The following ADGRB3 variants were observed in gnomAD, a reference collection of about 807,000 sequenced individuals.
ADGRB3 encodes the protein brain-specific angiogenesis inhibitor 3.
A neutral mutation model predicts 193.4 loss-of-function variants in ADGRB3; 37 were observed. That is an observed-to-expected ratio of 0.19 (90% CI 0.15 to 0.25). The LOEUF (loss-of-function observed/expected upper bound fraction) is 0.25. Among genes scored for constraint, ADGRB3 ranks in the 10% least tolerant of loss-of-function variants. ADGRB3 has a pLI of 1.00. For synonymous variants in ADGRB3, 690 were observed against 644.2 expected, an observed-to-expected ratio of 1.07 and a Z score of -1.08; for missense variants, 1,637 against 1,852.9, an observed-to-expected ratio of 0.88 and a Z score of 2.14.
At chr6:69,201,630 G>C (rs916588589) in intron 17 of ADGRB3, among the ~76,000 whole-genome samples, 9 of 151,930 alleles carry the variant, frequency 5.9e-5, no homozygotes, top group African/African-American at 2.2e-4. Context: ...TTATATGCCT[G>C]TGCTCTTAAC....
chr6:69,215,402 T>A (rs1765754136), intron 17 of ADGRB3, among the ~76,000 whole-genome samples: 2 of 152,236 alleles, frequency 1.3e-5, no homozygotes, highest in Middle Eastern at 3.4e-3. Context: ...TTTCTTTTTT[T>A]CTTAGTTGTA....
At chr6:69,011,852 G>T (rs1769947290) in intron 11 of ADGRB3, among the ~76,000 whole-genome samples, 1 of 151,960 alleles carries the variant, frequency 6.6e-6, no homozygotes, top group Admixed American at 6.6e-5. Context: ...CCCCTACATG[G>T]ATTTCATTAG....
intron 20 of ADGRB3, among the ~76,000 whole-genome samples, chr6:69,283,207 T>C (rs1291457358): frequency 6.6e-6 from 1 of 152,182 alleles, no homozygotes; most frequent in African/African-American, 2.4e-5. Flanking sequence ...AAGATATTTG[T>C]TTTTGCTTCT....
chr6:68,813,984 C>A (rs1394850245), intron 3 of ADGRB3, among the ~76,000 whole-genome samples: 1 of 152,182 alleles, frequency 6.6e-6, no homozygotes, highest in African/African-American at 2.4e-5. Flanking sequence ...CATTCTAAGT[C>A]TTTGCTATTG....
chr6:69,225,518 A>G (rs979800048), intron 17 of ADGRB3, among the ~76,000 whole-genome samples: 1 of 152,216 alleles, frequency 6.6e-6, no homozygotes, highest in Non-Finnish European at 1.5e-5. Flanking sequence ...CTTGAGCTCA[A>G]TTCCTGGCAC....
At chr6:68,749,241 G>C (rs1274187812) in intron 3 of ADGRB3, among the ~76,000 whole-genome samples, 1 of 152,252 alleles carries the variant, frequency 6.6e-6, no homozygotes, top group Non-Finnish European at 1.5e-5. Context: ...ATTTATCCCA[G>C]AAAATGGGTT....
intron 17 of ADGRB3, among the ~76,000 whole-genome samples, chr6:69,187,858 G>C (rs1338990709): frequency 6.6e-6 from 1 of 152,146 alleles, no homozygotes; most frequent in Non-Finnish European, 1.5e-5. Flanking sequence ...GCATTGTCTG[G>C]TCACCAAGTC....
intron 10 of ADGRB3, among the ~76,000 whole-genome samples, chr6:68,993,218 A>C (rs1232987153): frequency 1.3e-5 from 2 of 152,088 alleles, no homozygotes; most frequent in Admixed American, 6.6e-5. Flanking sequence ...AAGCTAAAGC[A>C]ATCTGGTTTT....
intron 3 of ADGRB3, among the ~76,000 whole-genome samples, chr6:68,796,236 A>T (rs1767205262): frequency 6.6e-6 from 1 of 152,234 alleles, no homozygotes; most frequent in South Asian, 2.1e-4. Context: ...GATCCAAAGT[A>T]TTCCATTCTG....
intron 30 of ADGRB3, among the ~76,000 whole-genome samples, chr6:69,380,951 T>C (rs962387934): frequency 7.2e-5 from 11 of 151,852 alleles, no homozygotes; most frequent in Non-Finnish European, 1.3e-4. Flanking sequence ...AAAATAACTC[T>C]ATATTATAAG....
chr6:68,843,694 C>T (rs1222478369), intron 3 of ADGRB3, among the ~76,000 whole-genome samples: 1 of 151,576 alleles, frequency 6.6e-6, no homozygotes, highest in Admixed American at 6.6e-5. Flanking sequence ...TATGGAACAA[C>T]AAAAGACTCA....
intron 17 of ADGRB3, among the ~76,000 whole-genome samples, chr6:69,160,260 T>G (rs1426519633): frequency 2.0e-5 from 3 of 152,122 alleles, no homozygotes; most frequent in Non-Finnish European, 4.4e-5. Context: ...AAAACTTACA[T>G]TCCTTACAGT....
intron 15 of ADGRB3, among the ~76,000 whole-genome samples, chr6:69,049,755 G>A (rs1204422483): frequency 3.3e-5 from 5 of 152,056 alleles, no homozygotes; most frequent in East Asian, 1.9e-4. Context: ...GGAAAACATG[G>A]TATTGTTTAT....
intron 17 of ADGRB3, among the ~76,000 whole-genome samples, chr6:69,100,905 CGAGGGAGGGAAGGAAGGAAGGAGGGAGG>C (rs1773027523): frequency 9.1e-5 from 1 of 11,012 alleles, no homozygotes. Context: ...AAGGAAGAAG[CGAGGGAGGGAAGGAAGGAAGGAGGGAGG>C]GAGGGAAGGA....
At chr6:68,751,414 T>G (rs1437437080) in intron 3 of ADGRB3, among the ~76,000 whole-genome samples, 1 of 152,178 alleles carries the variant, frequency 6.6e-6, no homozygotes. Context: ...AGTTTCCATC[T>G]TATCTCCTTC....
rs181587406 is a variant in ADGRB3, at chr6:69,096,510, T to G, written c.2480+20472T>G. On this transcript the variant is annotated intron_variant, in intron 17 of 31. Transcript: ENST00000370598. ...CACTAAAATACTTATAAATAAAAACTTCCCTGAATATTAGCTCCCCCATTG... is the reference window on the plus strand; with the variant it reads ...CACTAAAATACTTATAAATAAAAACGTCCCTGAATATTAGCTCCCCCATTG... Among the ~76,000 whole-genome samples the G allele has an allele frequency of 2.1e-3, 322 of 152,176 alleles. 1 individual carries two copies. The highest frequency in any genetic ancestry group is 2.2e-3 in the Non-Finnish European group (151 of 67,980).
chr6:68,701,523 T>C (rs1013481571), intron 3 of ADGRB3, among the ~76,000 whole-genome samples: 3 of 152,218 alleles, frequency 2.0e-5, no homozygotes, highest in Admixed American at 6.6e-5. Context: ...GATGTATATA[T>C]CTTTACAAGA....
At chr6:69,103,886 T>A (rs1394387624) in intron 17 of ADGRB3, among the ~76,000 whole-genome samples, 1 of 151,902 alleles carries the variant, frequency 6.6e-6, no homozygotes, top group African/African-American at 2.4e-5. Context: ...GCAAGCTAAT[T>A]AACAACTAGA....
chr6:69,301,184 G>A (rs1767942542), intron 20 of ADGRB3, among the ~76,000 whole-genome samples: 1 of 151,700 alleles, frequency 6.6e-6, no homozygotes, highest in East Asian at 1.9e-4. Context: ...CAAAATATAT[G>A]TAGATATTAG....
Sources: gnomAD v4.1 joint callset for allele counts (sites outside exome capture counted in the v4.1 genomes callset) on GRCh38, gnomAD v4.1.1 for gene constraint, MANE v1.5 for transcripts, NCBI Gene and HGNC (gene_info 2026-07-23, HGNC 2026-07-21) for gene names.